NIBAN1: variants seen among roughly 807,000 people sequenced by gnomAD.
NIBAN1 encodes the protein niban apoptosis regulator 1, also known as protein Niban 1.
Under a neutral mutation model 75.1 loss-of-function variants are expected in NIBAN1, and 81 were observed. The ratio of observed to expected loss-of-function variants is 1.08; its 90% CI spans 0.90 to 1.30. The LOEUF (loss-of-function observed/expected upper bound fraction) is 1.30, where lower values mean the gene tolerates loss of function less well. Among genes scored for constraint, NIBAN1 ranks in the 50% most tolerant of loss-of-function variants. The pLI is 0.00. For synonymous variants in NIBAN1, 436 were observed against 424.8 expected (o/e 1.03, Z -0.32); for missense variants, 1,133 against 1,128.1 (o/e 1.00, Z -0.06).
chr1:184,884,550 C>T, intron 5 of NIBAN1, 83 bp downstream of exon 5: 1 of 1,550,900 alleles, frequency 6.4e-7, no homozygotes, highest in Non-Finnish European at 8.8e-7. Flanking sequence ...CTAAGAATCA[C>T]TGCAATAGAT....
intron 2 of NIBAN1, among the ~76,000 whole-genome samples, chr1:184,895,905 T>C (rs1656786928): frequency 6.6e-6 from 1 of 152,230 alleles, no homozygotes; most frequent in Admixed American, 6.5e-5. Flanking sequence ...TTCTTTTTTA[T>C]GACTGTGTAG....
intron 12 of NIBAN1, among the ~76,000 whole-genome samples, chr1:184,800,112 C>T (rs1248744365): frequency 1.4e-5 from 2 of 145,372 alleles, no homozygotes; most frequent in Non-Finnish European, 3.0e-5. Flanking sequence ...TCTCTGATGG[C>T]CAGTGATGGT....
intron 5 of NIBAN1, among the ~76,000 whole-genome samples, chr1:184,844,402 A>G (rs1655379675): frequency 6.6e-6 from 1 of 152,202 alleles, no homozygotes; most frequent in South Asian, 2.1e-4. Flanking sequence ...ACTCATCATC[A>G]TTACCAATGA....
intron 11 of NIBAN1, among the ~76,000 whole-genome samples, chr1:184,804,512 G>A (rs1654134402): frequency 2.0e-5 from 3 of 152,150 alleles, no homozygotes; most frequent in Admixed American, 2.0e-4. Context: ...ATCCTGAGAG[G>A]TAGAAAGTAT....
intron 5 of NIBAN1, among the ~76,000 whole-genome samples, chr1:184,873,843 C>T (rs1022748285): frequency 3.9e-5 from 6 of 151,988 alleles, no homozygotes; most frequent in East Asian, 1.9e-4. Context: ...CTTAATTCAC[C>T]GATTCCAGCA....
Position 184,951,323 on chromosome 1 carries a change from G to A in NIBAN1, c.55+22979C>T, listed in dbSNP as rs113391504. ...TAATTAAGGATGCCACTTAACAAAT[G>A]ACAGTGATTATCAGATGAGACATCC... On this transcript the variant is annotated intron_variant, in intron 1 of 13. Transcript: ENST00000367511. Among the ~76,000 whole-genome samples, 117 of 152,336 alleles carry A rather than the reference G, an allele frequency of 7.7e-4. No individual in the cohort carries two copies. The Middle Eastern group carries it at 0.01, about 13-fold the overall frequency.
rs200663654 is a variant in NIBAN1, at chr1:184,894,213, G to C, written c.187-7C>G. ...TTCCAGGCGCCAATGGTGGCTTAAAGAAGATGAATACAATTAACTATCACA... is the reference window on the plus strand; with the variant it reads ...TTCCAGGCGCCAATGGTGGCTTAAACAAGATGAATACAATTAACTATCACA... On this transcript the variant is annotated splice_polypyrimidine_tract_variant and splice_region_variant and intron_variant, in intron 2 of 13. Transcript: ENST00000367511. 1,339 of 1,594,674 alleles carry C rather than the reference G, an allele frequency of 8.4e-4. 3 individuals carry two copies. The highest frequency in any genetic ancestry group is 3.8e-3 in the South Asian group (329 of 87,234).
intron 5 of NIBAN1, among the ~76,000 whole-genome samples, chr1:184,883,392 T>A (rs1325292223): frequency 6.6e-6 from 1 of 152,226 alleles, no homozygotes; most frequent in African/African-American, 2.4e-5. Flanking sequence ...GTATGCTTCA[T>A]TACTCTCTTC....
intron 1 of NIBAN1, among the ~76,000 whole-genome samples, chr1:184,956,011 G>T (rs1658480796): frequency 7.4e-6 from 1 of 135,108 alleles, no homozygotes; most frequent in Admixed American, 7.9e-5. Flanking sequence ...ATTAGGTCAG[G>T]GATTATTTTT....
At chr1:184,820,192 ATTAACT>A (rs780614784) in intron 8 of NIBAN1, among the ~76,000 whole-genome samples, 1 of 152,228 alleles carries the variant, frequency 6.6e-6, no homozygotes, top group Admixed American at 6.5e-5. Context: ...TTATTAGTTA[ATTAACT>A]TTAAAGAGAG....
At chr1:184,811,408 C>G (rs1324808342) in intron 9 of NIBAN1, among the ~76,000 whole-genome samples, 7 of 151,714 alleles carry the variant, frequency 4.6e-5, no homozygotes, top group Non-Finnish European at 1.0e-4. Flanking sequence ...GCCTGGGAGG[C>G]AGTGAAGTCT....
intron 1 of NIBAN1, among the ~76,000 whole-genome samples, chr1:184,907,268 T>C (rs1346170376): frequency 2.6e-5 from 4 of 152,112 alleles, no homozygotes; most frequent in African/African-American, 9.7e-5. Context: ...ACTGTTACTA[T>C]GAAGGTGAAA....
At chr1:184,818,950 C>A (rs1378497381) in intron 8 of NIBAN1, 125 bp from the exon 9 acceptor site, 20 of 1,016,442 alleles carry the variant, frequency 2.0e-5, no homozygotes, top group Non-Finnish European at 2.4e-5. Flanking sequence ...GCTCAAGAGG[C>A]CATGACAGAC....
rs139340090 is a variant in NIBAN1 at position 184,793,693 on chromosome 1, G to A, written c.*1284C>T. On this transcript the variant is annotated 3_prime_UTR_variant, in exon 14 of 14. Transcript: ENST00000367511. The stretch of plus-strand genomic sequence containing the variant: ...ACTCCTTTTAATCTTTTGGAAGCAA[G>A]TCTCTTCCATTTTCAACATTAATGG... 1.2e-4 allele frequency: 18 copies of A among 152,360 alleles called. No homozygotes were observed. Among genetic ancestry groups the A allele is most frequent in the African/African-American group, 3.8e-4 (16 of 41,592 alleles). The allele number at this position is 152,360 out of a possible 1,614,324, so 9.4% of individuals were successfully genotyped here. A position where few individuals can be genotyped will look rare whatever the true frequency, so the allele number is the denominator to read the frequency against.
chr1:184,952,441 G>A (rs367978079), intron 1 of NIBAN1, among the ~76,000 whole-genome samples: 2 of 152,148 alleles, frequency 1.3e-5, no homozygotes, highest in African/African-American at 4.8e-5. Context: ...GTTCCATGAC[G>A]TTTGAGGTTT....
In NIBAN1 at chr1:184,803,572, C is replaced by A. The variant is rs769290009; in HGVS notation, c.1554+13G>T. 1.2e-6 allele frequency: 2 copies of A among 1,606,530 alleles called. No homozygotes were observed. The highest frequency in any genetic ancestry group is 8.5e-7 in the Non-Finnish European group (1 of 1,173,172). ...AAGAAGAGCAAGCTCTTTAGGGTAACTCATCCCCTTACTGGTTTGCATGTG... is the reference window on the plus strand; with the variant it reads ...AAGAAGAGCAAGCTCTTTAGGGTAAATCATCCCCTTACTGGTTTGCATGTG... On this transcript the variant is annotated intron_variant, in intron 12 of 13. Transcript: ENST00000367511.
chr1:184,872,543 TA>T (rs1415461831), intron 5 of NIBAN1, among the ~76,000 whole-genome samples: 3 of 151,986 alleles, frequency 2.0e-5, no homozygotes, highest in African/African-American at 7.2e-5. Flanking sequence ...CCATCTCTAC[TA>T]AAAATACAAA....
At chr1:184,830,180 C>T (rs1654958281) in intron 6 of NIBAN1, among the ~76,000 whole-genome samples, 2 of 152,212 alleles carry the variant, frequency 1.3e-5, no homozygotes, top group South Asian at 2.1e-4. Context: ...AACTGCCTTA[C>T]CCATCTCATA....
chr1:184,921,091 T>C (rs1657520618), intron 1 of NIBAN1, among the ~76,000 whole-genome samples: 1 of 144,428 alleles, frequency 6.9e-6, no homozygotes, highest in African/African-American at 2.6e-5. Context: ...ATTGCACCAC[T>C]GCACTCCAGC....
Sources: gnomAD v4.1 joint callset for allele counts (sites outside exome capture counted in the v4.1 genomes callset) on GRCh38, gnomAD v4.1.1 for gene constraint, MANE v1.5 for transcripts, NCBI Gene and HGNC (gene_info 2026-07-23, HGNC 2026-07-21) for gene names.